The following PHF24 variants were observed in gnomAD, a reference collection of about 807,000 sequenced individuals.
The protein encoded by PHF24 is PHD finger protein 24.
PHF24 carries 25 observed loss-of-function variants against 42.6 expected under a neutral mutation model. The observed-to-expected ratio is 0.59, with a 90% CI of 0.43 to 0.82. The LOEUF is 0.82. Among genes scored for constraint, PHF24 ranks in the 40% least tolerant of loss-of-function variants. The pLI is 0.00. For synonymous variants in PHF24, 185 were observed against 204.8 expected (o/e 0.90, Z 0.83); for missense variants, 470 against 538.1 (o/e 0.87, Z 1.25).
At chr9:34,835,854 A>G in the PHF24 span, 1 of 1,262,538 alleles carries the variant, frequency 7.9e-7, no homozygotes, top group Non-Finnish European at 1.1e-6. Context: ...TACTCTGCTC[A>G]AAGGATACAC....
chr9:34,957,505 A>C (rs1243682509), upstream of PHF24: 2 of 152,172 alleles, frequency 1.3e-5, no homozygotes, highest in Non-Finnish European at 2.9e-5. Flanking sequence ...TGGCCTTCTG[A>C]CAAGCTAGCT....
chr9:34,703,316 C>A, the PHF24 span, among the ~76,000 whole-genome samples: 3 of 152,052 alleles, frequency 2.0e-5, no homozygotes, highest in African/African-American at 7.2e-5. Flanking sequence ...TTACAAGCAC[C>A]CACCACCATG....
the PHF24 span, among the ~76,000 whole-genome samples, chr9:34,715,233 CTG>C: frequency 6.6e-6 from 1 of 152,124 alleles, no homozygotes; most frequent in Non-Finnish European, 1.5e-5. Context: ...CGTCTCCAGT[CTG>C]TGAGTGGACC....
At chr9:34,862,461 G>T in the PHF24 span, among the ~76,000 whole-genome samples, 1 of 151,914 alleles carries the variant, frequency 6.6e-6, no homozygotes, top group African/African-American at 2.4e-5. Context: ...GCCCAGCCAC[G>T]GTAAGATAGG....
chr9:34,741,369 C>CT, the PHF24 span, among the ~76,000 whole-genome samples: 303 of 147,572 alleles, frequency 2.1e-3, no homozygotes, highest in African/African-American at 3.8e-3. Flanking sequence ...TTTTCTTTTT[C>CT]TTTTTTTTTT....
the PHF24 span, among the ~76,000 whole-genome samples, chr9:34,935,796 G>A: frequency 5.9e-5 from 9 of 151,804 alleles, no homozygotes; most frequent in Admixed American, 6.6e-5. Flanking sequence ...GTGTACTGAT[G>A]AGAATGCGAA....
chr9:34,716,800 G>A, the PHF24 span, among the ~76,000 whole-genome samples: 2 of 152,034 alleles, frequency 1.3e-5, no homozygotes, highest in Non-Finnish European at 2.9e-5. Flanking sequence ...TAGAAAGGGG[G>A]TTTCACCATA....
the PHF24 span, among the ~76,000 whole-genome samples, chr9:34,692,488 T>C: frequency 1.3e-5 from 2 of 152,128 alleles, no homozygotes; most frequent in East Asian, 1.9e-4. Context: ...GGGTTTGCAG[T>C]CTTTACCTCC....
At chr9:34,814,961 G>A in the PHF24 span, among the ~76,000 whole-genome samples, 7 of 152,030 alleles carry the variant, frequency 4.6e-5, no homozygotes, top group African/African-American at 1.4e-4. Flanking sequence ...GGCTAGTCTC[G>A]AACTCCCGAC....
intron 3 of PHF24, among the ~76,000 whole-genome samples, chr9:34,974,778 CT>C (rs1327834410): frequency 6.6e-6 from 1 of 152,140 alleles, no homozygotes; most frequent in Non-Finnish European, 1.5e-5. Flanking sequence ...CTCACAAGTA[CT>C]TCACACTCAT....
At chr9:34,666,976 A>G in the PHF24 span, among the ~76,000 whole-genome samples, 1 of 152,310 alleles carries the variant, frequency 6.6e-6, no homozygotes, top group Middle Eastern at 3.4e-3. Context: ...CCAACAAACA[A>G]GACAGGCACC....
chr9:34,817,773 T>G, the PHF24 span, among the ~76,000 whole-genome samples: 3 of 152,226 alleles, frequency 2.0e-5, no homozygotes, highest in Admixed American at 6.5e-5. Context: ...ACTAGTAATT[T>G]TGTGTATGGA....
the PHF24 span, among the ~76,000 whole-genome samples, chr9:34,900,298 G>A: frequency 2.0e-5 from 3 of 152,146 alleles, no homozygotes; most frequent in Non-Finnish European, 4.4e-5. Context: ...ACATTTAAAG[G>A]ACAATCAATT....
the PHF24 span, chr9:34,681,259 G>T: frequency 6.6e-6 from 1 of 152,242 alleles, no homozygotes; most frequent in Non-Finnish European, 1.5e-5. Context: ...ACACTCCTCA[G>T]ATTTGGATGT....
the PHF24 span, among the ~76,000 whole-genome samples, chr9:34,792,603 G>A: frequency 1.1e-3 from 170 of 152,090 alleles, no homozygotes; most frequent in Non-Finnish European, 1.7e-3. Flanking sequence ...CCCGGGAGGC[G>A]AAGGTTGTGG....
chr9:34,921,520 A>G, the PHF24 span, among the ~76,000 whole-genome samples: 1 of 152,358 alleles, frequency 6.6e-6, no homozygotes, highest in African/African-American at 2.4e-5. Flanking sequence ...AGACATTTAA[A>G]TACAAATAAA....
chr9:34,728,331 T>C, the PHF24 span, among the ~76,000 whole-genome samples: 2,668 of 152,350 alleles, frequency 0.018, 47 homozygotes, highest in South Asian at 0.04. Context: ...TGGATAAGAA[T>C]GAGAGATGAA....
chr9:34,793,711 T>C, the PHF24 span, among the ~76,000 whole-genome samples: 1 of 151,964 alleles, frequency 6.6e-6, no homozygotes, highest in Non-Finnish European at 1.5e-5. Flanking sequence ...GAAAGCAGTC[T>C]TCTAACACTC....
the PHF24 span, among the ~76,000 whole-genome samples, chr9:34,892,432 T>G: frequency 6.6e-6 from 1 of 152,026 alleles, no homozygotes; most frequent in Admixed American, 6.6e-5. Context: ...AAATTAGAAG[T>G]GGTGTGGTAT....
Sources: gnomAD v4.1 joint callset for allele counts (sites outside exome capture counted in the v4.1 genomes callset) on GRCh38, gnomAD v4.1.1 for gene constraint, MANE v1.5 for transcripts, NCBI Gene and HGNC (gene_info 2026-07-23, HGNC 2026-07-21) for gene names.